Variants in PRKCH observed in about 807,000 individuals in gnomAD.
The protein encoded by PRKCH is protein kinase C eta, also known as protein kinase C eta type.
PRKCH carries 28 observed loss-of-function variants against 82.5 expected under a neutral mutation model. The observed-to-expected ratio is 0.34, with a 90% CI of 0.25 to 0.47. The LOEUF (loss-of-function observed/expected upper bound fraction) is 0.47. PRKCH is among the 20% of genes least tolerant of loss of function. The pLI is 1.00. For missense variants in PRKCH, 705 were observed against 881.8 expected, an observed-to-expected ratio of 0.80 and a Z score of 2.54; for synonymous variants, 322 against 327.4, an observed-to-expected ratio of 0.98 and a Z score of 0.18.
Position 61,363,137 on chromosome 14 carries a change from G to T in PRKCH, c.364-28088G>T, listed in dbSNP as rs539736045. Among the ~76,000 whole-genome samples, 198 of 152,288 alleles carry T rather than the reference G, an allele frequency of 1.3e-3. 1 individual carries two copies. The highest frequency in any genetic ancestry group is 2.3e-3 in the Non-Finnish European group (157 of 68,012). ...AAGGGCAAGCCTTTCCATGTCAATA[G>T]CATATAAAGCATAAGGGTGGGAATC... On this transcript the variant is annotated intron_variant, in intron 1 of 13. Coordinates refer to ENST00000332981, the MANE Select transcript of PRKCH (RefSeq NM_006255.5).
chr14:61,528,073 C>T (rs1179386546), intron 10 of PRKCH: 3 of 152,146 alleles, frequency 2.0e-5, no homozygotes, highest in Non-Finnish European at 2.9e-5. Context: ...TGTGTTCCCC[C>T]TCCCCACCCC....
intron 1 of PRKCH, among the ~76,000 whole-genome samples, chr14:61,197,432 TG>T (rs2044448890): frequency 6.6e-6 from 1 of 152,160 alleles, no homozygotes; most frequent in African/African-American, 2.4e-5. Flanking sequence ...AGTCCAAGGT[TG>T]AGGAGCCATG....
intron 9 of PRKCH, among the ~76,000 whole-genome samples, chr14:61,461,119 T>A (rs1005245849): frequency 6.6e-6 from 1 of 152,200 alleles, no homozygotes; most frequent in African/African-American, 2.4e-5. Context: ...TGGTCCTCAG[T>A]GGCTCTTGAT....
intron 1 of PRKCH, among the ~76,000 whole-genome samples, chr14:61,200,218 C>T (rs1054289218): frequency 1.3e-5 from 2 of 152,026 alleles, no homozygotes; most frequent in Admixed American, 6.6e-5. Flanking sequence ...CAAGTTTACC[C>T]AGAATGAAAA....
intron 4 of PRKCH, among the ~76,000 whole-genome samples, chr14:61,448,791 A>C (rs866338644): frequency 6.6e-6 from 1 of 152,222 alleles, no homozygotes; most frequent in Non-Finnish European, 1.5e-5. Context: ...AGCTTGGAGC[A>C]GCCTCTGGAG....
At chr14:61,279,562 T>TA (rs2045237147) in intron 1 of PRKCH, 1 of 153,358 alleles carries the variant, frequency 6.5e-6, no homozygotes, top group East Asian at 1.9e-4. Flanking sequence ...TCTACCTGCA[T>TA]ATTTAACAAG....
chr14:61,318,365 G>GT (rs77878429), upstream of PRKCH, among the ~76,000 whole-genome samples: 3,115 of 126,328 alleles, frequency 0.025, 52 homozygotes, highest in Admixed American at 0.025. Context: ...GTTTTAAAAA[G>GT]TTTTTTTTTT....
At chr14:61,458,206 A>T (rs1334388400) in intron 9 of PRKCH, among the ~76,000 whole-genome samples, 1 of 152,174 alleles carries the variant, frequency 6.6e-6, no homozygotes, top group African/African-American at 2.4e-5. Context: ...TTAAGAATTG[A>T]ATCTGTCTGC....
chr14:61,324,141 C>G (rs970271819), intron 1 of PRKCH, among the ~76,000 whole-genome samples: 1 of 152,284 alleles, frequency 6.6e-6, no homozygotes, highest in African/African-American at 2.4e-5. Context: ...AGTATGCAGT[C>G]GAGGTGGAGA....
At chr14:61,347,029 T>A (rs2046002385) in intron 1 of PRKCH, among the ~76,000 whole-genome samples, 2 of 152,206 alleles carry the variant, frequency 1.3e-5, no homozygotes, top group African/African-American at 4.8e-5. Flanking sequence ...CCCCTTGCTT[T>A]GTAATCTGTT....
intron 10 of PRKCH, among the ~76,000 whole-genome samples, chr14:61,499,319 G>C (rs756058547): frequency 2.6e-5 from 4 of 152,190 alleles, no homozygotes. Context: ...CAAGTGCTCT[G>C]TTGCTTTTTG....
At chr14:61,237,452 G>A (rs997001922) in intron 1 of PRKCH, among the ~76,000 whole-genome samples, 1 of 151,986 alleles carries the variant, frequency 6.6e-6, no homozygotes, top group Non-Finnish European at 1.5e-5. Flanking sequence ...CATCCTGATC[G>A]AGGAGAGAAT....
intron 2 of PRKCH, among the ~76,000 whole-genome samples, chr14:61,392,210 T>C (rs921488586): frequency 6.6e-6 from 1 of 152,200 alleles, no homozygotes; most frequent in African/African-American, 2.4e-5. Flanking sequence ...TGAATAATGC[T>C]TTTATTAACC....
intron 10 of PRKCH, among the ~76,000 whole-genome samples, chr14:61,493,795 C>T (rs1886554189): frequency 6.6e-6 from 1 of 151,724 alleles, no homozygotes. Context: ...CATTTTGAGG[C>T]AGTTGCAGAG....
intron 1 of PRKCH, among the ~76,000 whole-genome samples, chr14:61,200,434 G>A (rs1417339182): frequency 4.0e-5 from 6 of 151,830 alleles, no homozygotes; most frequent in Admixed American, 1.3e-4. Context: ...GATATTATAA[G>A]AATAGAATAG....
At chr14:61,455,448 C>T (rs1884721925) in intron 7 of PRKCH, among the ~76,000 whole-genome samples, 1 of 152,122 alleles carries the variant, frequency 6.6e-6, no homozygotes, top group Non-Finnish European at 1.5e-5. Flanking sequence ...TGGGTTTCAT[C>T]AAATCATGGT....
intron 9 of PRKCH, among the ~76,000 whole-genome samples, chr14:61,464,273 C>G (rs1348522871): frequency 6.6e-6 from 1 of 152,076 alleles, no homozygotes; most frequent in Non-Finnish European, 1.5e-5. Context: ...ACAGGTATGA[C>G]ATAATATCTC....
intron 1 of PRKCH, among the ~76,000 whole-genome samples, chr14:61,213,200 T>A (rs911500951): frequency 2.0e-5 from 3 of 152,186 alleles, no homozygotes; most frequent in African/African-American, 7.2e-5. Flanking sequence ...TCTGCCCTTC[T>A]GAAACTCCCG....
Position 61,280,471 on chromosome 14 carries a change from G to A in PRKCH, c.-19+92803G>A. On this transcript the variant is annotated intron_variant, in intron 1 of 3. Coordinates refer to the PRKCH transcript ENST00000555185. The surrounding 1 kb of genome is among the most constrained non-coding windows in gnomAD (Gnocchi z 5.0). ...GTAGACTGGCCGGCGCCAGTTGGGC[G>A]GGGGCGCCGTGCCCTGGAAGGCCAA... 6.2e-7 allele frequency: 1 copy of A among 1,613,370 alleles called. No individual in the cohort carries two copies. Among genetic ancestry groups the A allele is most frequent in the Non-Finnish European group, 8.5e-7 (1 of 1,179,708 alleles).
Sources: allele counts gnomAD v4.1 joint callset (sites outside exome capture counted in the v4.1 genomes callset), GRCh38; gene constraint gnomAD v4.1.1; non-coding constraint Gnocchi (gnomAD v3.1); transcripts MANE v1.5; gene names NCBI Gene and HGNC (gene_info 2026-07-23, HGNC 2026-07-21).